The following S1PR2 variants were observed in gnomAD, a reference collection of about 807,000 sequenced individuals.
S1PR2 encodes the protein sphingosine 1-phosphate receptor 2.
In S1PR2, 9 loss-of-function variants were observed where a neutral mutation model predicts 16.1. The ratio of observed to expected loss-of-function variants is 0.56; its 90% confidence interval spans 0.34 to 0.98. The LOEUF (loss-of-function observed/expected upper bound fraction) is 0.98. Ranked by LOEUF, S1PR2 falls within the 50% of genes least tolerant of loss-of-function variation. The pLI, the probability that S1PR2 is intolerant of heterozygous loss-of-function variation, is 0.02. For missense variants in S1PR2, 361 were observed against 488.4 expected (o/e 0.74, Z 2.46); for synonymous variants, 224 against 233.9 (o/e 0.96, Z 0.38).
At chr19:10,229,889 A>G (rs2039659255) in intron 1 of S1PR2, among the ~76,000 whole-genome samples, 2 of 152,282 alleles carry the variant, frequency 1.3e-5, no homozygotes, top group African/African-American at 4.8e-5. Context: ...TAGACAGTCA[A>G]TGCCTAAGGC....
chr19:10,230,691 A>C (rs2039669700), intron 1 of S1PR2, among the ~76,000 whole-genome samples: 1 of 152,290 alleles, frequency 6.6e-6, no homozygotes, highest in Non-Finnish European at 1.5e-5. Context: ...TCCTTACAAA[A>C]CAAAGCCACG....
rs111824963 is a variant in S1PR2 at position 10,229,678 on chromosome 19, G to A, written c.-43+1526C>T. Among the ~76,000 whole-genome samples, 1,212 of 152,144 alleles carry A rather than the reference G, an allele frequency of 8.0e-3. 15 individuals are homozygous for A. Among genetic ancestry groups the A allele is most frequent in the African/African-American group, 0.027 (1,137 of 41,506 alleles). On this transcript the variant is annotated intron_variant, in intron 1 of 1. Transcript: ENST00000646641. ...TTCCCCCTGGTCACCCATGGAGCCC[G>A]TGGTAGCCACCCTACCTTATAGAAA...
chr19:10,230,706 C>G (rs2039669975), intron 1 of S1PR2, among the ~76,000 whole-genome samples: 1 of 152,252 alleles, frequency 6.6e-6, no homozygotes, highest in East Asian at 1.9e-4. Context: ...GCCACGCCCC[C>G]CGCCGGGGGA....
intron 1 of S1PR2, among the ~76,000 whole-genome samples, chr19:10,227,776 T>G (rs1409366838): frequency 1.3e-5 from 2 of 152,144 alleles, no homozygotes; most frequent in Non-Finnish European, 2.9e-5. Context: ...TCAGGCTTTC[T>G]GAGGATAGAG....
chr19:10,224,576 G>T lies in S1PR2; in HGVS notation c.330C>A (p.Gly110=). The T allele has an allele frequency of 6.2e-7, 1 of 1,613,946 alleles. No homozygotes were observed. The highest frequency in any genetic ancestry group is 8.5e-7 in the Non-Finnish European group (1 of 1,180,048). The change falls in exon 2 of 2, where the codon GGC becomes GGA. Residue 110 remains glycine (G), a synonymous_variant. Transcript: ENST00000646641. ...LTPVQWFARE[G]SAFITLSASV... ...AGGCCGAGAGCGTGATGAAGGCAGA[G>T]CCCTCCCGGGCAAACCACTGCACAG... is the stretch of plus-strand genomic sequence containing the variant.
chr19:10,222,226 A>G lies in S1PR2; in HGVS notation c.*1618T>C, dbSNP rs1276823149. ...ACGGAGATTGAACCACTGCCACCTC[A>G]GCCTGGGTGACACAGTGAGACTCCA... On this transcript the variant is annotated 3_prime_UTR_variant, in exon 2 of 2. Transcript: ENST00000646641. 1 of 152,164 alleles carries G rather than the reference A, an allele frequency of 6.6e-6. No individual in the cohort carries two copies. Among genetic ancestry groups the G allele is most frequent in the African/African-American group, 2.4e-5 (1 of 41,442 alleles). 9.4% of individuals were successfully genotyped at this position (152,164 alleles called of 1,614,324 possible). A position where few individuals can be genotyped will look rare whatever the true frequency, so the allele number is the denominator to read the frequency against.
intron 1 of S1PR2, among the ~76,000 whole-genome samples, chr19:10,225,538 G>C (rs1280668875): frequency 1.3e-5 from 2 of 150,782 alleles, no homozygotes; most frequent in Non-Finnish European, 3.0e-5. Context: ...CTGGGATTAC[G>C]GGCACCTGCC....
Position 10,224,112 on chromosome 19 carries a change from G to C in S1PR2, c.794C>G (p.Pro265Arg), listed in dbSNP as rs572711891. The change falls in exon 2 of 2, where the codon CCG (proline) becomes CGG (arginine). Residue 265 changes from proline to arginine, a missense_variant. Physicochemically the swap from Pro to Arg is moderately radical, Grantham distance 103. Coordinates refer to ENST00000646641, the MANE Select transcript of S1PR2 (RefSeq NM_004230.4). Reference protein sequence around the residue: ...LDYACPVHSCPILYKAHYFFA... With the variant: ...LDYACPVHSCRILYKAHYFFA... Reference sequence around the variant, plus strand: ...AAAGTAGTGGGCTTTGTAGAGGATCGGGCAGGAGTGGACGGGACAGGCATA... The same window carrying C: ...AAAGTAGTGGGCTTTGTAGAGGATCCGGCAGGAGTGGACGGGACAGGCATA... The C allele has an allele frequency of 5.9e-5, 95 of 1,604,904 alleles. 2 individuals are homozygous for C. In the South Asian group the frequency reaches 8.8e-4, roughly 15 times the overall value.
intron 1 of S1PR2, among the ~76,000 whole-genome samples, chr19:10,227,269 T>A (rs1226803806): frequency 6.6e-6 from 1 of 152,026 alleles, no homozygotes; most frequent in Non-Finnish European, 1.5e-5. Flanking sequence ...TCCAGAAAAG[T>A]CTGGTTAGGC....
rs748108934 is a variant in S1PR2, at chr19:10,223,943, C to T, written c.963G>A (p.Pro321=). Residue 321 remains proline (P), a synonymous_variant, in exon 2 of 2, where the codon CCG becomes CCA. Coordinates refer to ENST00000646641, the MANE Select transcript of S1PR2 (RefSeq NM_004230.4). ...TGCGGAGTGGCAGGAGGTGGTGGCC[C>T]GGGGTCCCGCCCCGCCTCCGTCCTT... The part of the protein sequence containing the change: ...GVQGRRRGGT[P]GHHLLPLRSS... The T allele has an allele frequency of 1.2e-5, 20 of 1,603,132 alleles. No homozygotes were observed. Among genetic ancestry groups the T allele is most frequent in the Admixed American group, 1.2e-4 (7 of 59,350 alleles).
At chr19:10,230,205 TC>T (rs2039662384) in intron 1 of S1PR2, among the ~76,000 whole-genome samples, 1 of 152,144 alleles carries the variant, frequency 6.6e-6, no homozygotes, top group African/African-American at 2.4e-5. Context: ...ACTCTCGGCC[TC>T]CTTATCTGGT....
At chr19:10,226,992 C>G (rs903347630) in intron 1 of S1PR2, among the ~76,000 whole-genome samples, 8 of 151,726 alleles carry the variant, frequency 5.3e-5, no homozygotes, top group East Asian at 1.9e-4. Context: ...CCCATCCCCC[C>G]CCATCGCCAC....
Position 10,223,761 on chromosome 19 carries a change from G to T in S1PR2, c.*83C>A. On this transcript the variant is annotated 3_prime_UTR_variant, in exon 2 of 2. Transcript: ENST00000646641. Reference sequence around the variant, plus strand: ...TGGGGCGGGGGCATCTGGCTCAGTAGCCCCAAGTCTCTATCTGGGGTCACC... The same window carrying T: ...TGGGGCGGGGGCATCTGGCTCAGTATCCCCAAGTCTCTATCTGGGGTCACC... 1.5e-6 allele frequency: 2 copies of T among 1,290,920 alleles called. No individual in the cohort carries two copies. The highest frequency in any genetic ancestry group is 2.1e-6 in the Non-Finnish European group (2 of 939,486). 80.0% of individuals were successfully genotyped at this position (1,290,920 alleles called of 1,614,324 possible).
chr19:10,230,166 C>G (rs2145446333), intron 1 of S1PR2, among the ~76,000 whole-genome samples: 1 of 152,344 alleles, frequency 6.6e-6, no homozygotes, highest in Middle Eastern at 3.4e-3. Context: ...ATGGAGATGG[C>G]AGCAGGACCC....
chr19:10,224,270 G>T lies in S1PR2; in HGVS notation c.636C>A (p.Ile212=), dbSNP rs1599235113. ...LLAIVALYVR[I]YCVVRSSHAD... ...CGTGGCTTGAGCGGACCACGCAGTA[G>T]ATGCGCACGTACAGGGCCACGATGG... Residue 212 remains isoleucine, a synonymous_variant, in exon 2 of 2, where the codon ATC becomes ATA. Coordinates refer to ENST00000646641, the MANE Select transcript of S1PR2 (RefSeq NM_004230.4). 2 of 1,614,018 alleles carry T rather than the reference G, an allele frequency of 1.2e-6. No individual in the cohort carries two copies. The highest frequency in any genetic ancestry group is 1.7e-6 in the Non-Finnish European group (2 of 1,180,048).
rs780202015 is a variant in S1PR2 at position 10,223,933 on chromosome 19, G to A, written c.973C>T (p.Leu325Phe). The A allele has an allele frequency of 1.9e-6, 3 of 1,604,030 alleles. No individual in the cohort carries two copies. Reference sequence around the variant, plus strand: ...GAGCTGGAGCTGCGGAGTGGCAGGAGGTGGTGGCCCGGGGTCCCGCCCCGC... The same window carrying A: ...GAGCTGGAGCTGCGGAGTGGCAGGAAGTGGTGGCCCGGGGTCCCGCCCCGC... ...RRRGGTPGHH[L>F]LPLRSSSSLE... The change falls in exon 2 of 2, where the codon CTC becomes TTC. Residue 325 changes from leucine (L) to phenylalanine (F), a missense_variant. Transcript: ENST00000646641.
In S1PR2 at chr19:10,224,785, C is replaced by A; in HGVS notation, c.121G>T (p.Val41Phe). ...ACCACAATGGCGCAACAGAGGATGA[C>A]GATGAAGGCCGAGGCCACCTGGCGG... ...TSRQVASAFI[V>F]ILCCAIVVEN... The change falls in exon 2 of 2, where the codon GTC (valine) becomes TTC (phenylalanine). Residue 41 changes from valine to phenylalanine, a missense_variant. Coordinates refer to ENST00000646641, the MANE Select transcript of S1PR2 (RefSeq NM_004230.4). 5 of 1,614,236 alleles carry A rather than the reference C, an allele frequency of 3.1e-6. No individual in the cohort carries two copies. The highest frequency in any genetic ancestry group is 4.2e-6 in the Non-Finnish European group (5 of 1,180,046).
At position 10,222,843 on chromosome 19, in the gene S1PR2, AGG is replaced by A. The variant is rs2039601499; in HGVS notation, c.*999_*1000del. ...GAAAAGGAGAAATCGGTGCAGGACT[AGG>A]GGCCAGGGAAGAAAATGCAGAAATT... On this transcript the variant is annotated 3_prime_UTR_variant, in exon 2 of 2. Transcript: ENST00000646641. 1 of 152,248 alleles carries A rather than the reference AGG, an allele frequency of 6.6e-6. No individual in the cohort carries two copies. Among genetic ancestry groups the A allele is most frequent in the Non-Finnish European group, 1.5e-5 (1 of 68,126 alleles). 9.4% of individuals were successfully genotyped at this position (152,248 alleles called of 1,614,324 possible).
chr19:10,225,305 C>T (rs1428938345), intron 1 of S1PR2, among the ~76,000 whole-genome samples: 1 of 151,816 alleles, frequency 6.6e-6, no homozygotes, highest in African/African-American at 2.4e-5. Context: ...TCCCTGCAGC[C>T]TTGAACTCCT....
Sources: gnomAD v4.1 joint callset for allele counts (sites outside exome capture counted in the v4.1 genomes callset) on GRCh38, gnomAD v4.1.1 for gene constraint, MANE v1.5 for transcripts, NCBI Gene and HGNC (gene_info 2026-07-23, HGNC 2026-07-21) for gene names.